Variants in BTN3A2 observed in about 807,000 individuals in gnomAD.
BTN3A2 encodes butyrophilin subfamily 3 member A2.
BTN3A2 carries 25 observed loss-of-function variants against 37.6 expected under a neutral mutation model. That is an observed-to-expected ratio of 0.66 (90% CI 0.48 to 0.93). BTN3A2 has a LOEUF of 0.93. BTN3A2 is among the 40% of genes least tolerant of loss of function. The pLI, the probability that BTN3A2 is intolerant of heterozygous loss-of-function variation, is 0.00. For missense variants in BTN3A2, 266 were observed against 410.9 expected (o/e 0.65, Z 3.05); for synonymous variants, 122 against 159.4 (o/e 0.77, Z 1.77).
intron 5 of BTN3A2, 101 bp from the exon 6 acceptor site, chr6:26,372,796 C>A: frequency 1.4e-6 from 2 of 1,388,144 alleles, no homozygotes; most frequent in Non-Finnish European, 2.0e-6. Context: ...GAGATAGATT[C>A]CCCACCCCCG....
intron 1 of BTN3A2, among the ~76,000 whole-genome samples, chr6:26,366,690 T>C (rs1389359622): frequency 1.3e-5 from 2 of 152,124 alleles, no homozygotes; most frequent in Non-Finnish European, 2.9e-5. Context: ...CAGGCAGGGG[T>C]GGAGCATGAC....
Position 26,374,783 on chromosome 6 carries a change from G to T in BTN3A2, c.*19G>T. Reference sequence around the variant, plus strand: ...TCCTTCCTTTCAGAATGGAAAAATGGCCCTCTTCAAGCCTGGTGAGTAAAT... The same window carrying T: ...TCCTTCCTTTCAGAATGGAAAAATGTCCCTCTTCAAGCCTGGTGAGTAAAT... On this transcript the variant is annotated 3_prime_UTR_variant, in exon 10 of 11. Coordinates refer to ENST00000377708, the MANE Select transcript of BTN3A2 (RefSeq NM_007047.5). 6.5e-7 allele frequency: 1 copy of T among 1,532,254 alleles called. No homozygotes were observed. Among genetic ancestry groups the T allele is most frequent in the Non-Finnish European group, 9.0e-7 (1 of 1,107,676 alleles). 94.9% of individuals were successfully genotyped at this position (1,532,254 alleles called of 1,614,324 possible). A position where few individuals can be genotyped will look rare whatever the true frequency, so the allele number is the denominator to read the frequency against.
At chr6:26,371,595 T>G (rs1435260947) in intron 5 of BTN3A2, among the ~76,000 whole-genome samples, 1 of 152,206 alleles carries the variant, frequency 6.6e-6, no homozygotes, top group Non-Finnish European at 1.5e-5. Context: ...CGATCCAAAC[T>G]TCCACTTCTA....
chr6:26,367,278 C>G (rs1442699593), intron 1 of BTN3A2, among the ~76,000 whole-genome samples: 1 of 152,206 alleles, frequency 6.6e-6, no homozygotes, highest in African/African-American at 2.4e-5. Flanking sequence ...AGTTGGTAAC[C>G]ACTTTTATAC....
In BTN3A2 at chr6:26,377,097, C is replaced by T; in HGVS notation, c.*1335C>T. The T allele has an allele frequency of 3.0e-6, 4 of 1,332,338 alleles. No individual in the cohort carries two copies. Among genetic ancestry groups the T allele is most frequent in the Admixed American group, 1.7e-5 (1 of 59,402 alleles). 82.5% of individuals were successfully genotyped at this position (1,332,338 alleles called of 1,614,324 possible). On this transcript the variant is annotated 3_prime_UTR_variant, in exon 11 of 11. Transcript: ENST00000377708. ...CACTGCCCTGACCGTTTGCCCAATACCAAAAGTAGAGAGTTCCCCCGATCC... is the reference window on the plus strand; with the variant it reads ...CACTGCCCTGACCGTTTGCCCAATATCAAAAGTAGAGAGTTCCCCCGATCC...
intron 4 of BTN3A2, 126 bp from the exon 5 acceptor site, chr6:26,370,196 T>A: frequency 6.9e-6 from 9 of 1,301,492 alleles, no homozygotes; most frequent in Non-Finnish European, 9.4e-6. Flanking sequence ...ATGACCACAC[T>A]TTTGTAAACA....
At chr6:26,374,503 C>T in intron 9 of BTN3A2, 130 bp downstream of exon 9, 1 of 1,061,912 alleles carries the variant, frequency 9.4e-7, no homozygotes, top group South Asian at 1.4e-5. Context: ...TTCACCTCCG[C>T]TTTTCTGGAG....
rs559179512 is a variant in BTN3A2, at chr6:26,370,524, C to T, written c.636C>T (p.Gly212=). ...TAGCAGCATCTGTGATCATGAGAGGCGGCTCCGGGGAGGGTGTATCCTGCA... is the reference window on the plus strand; with the variant it reads ...TAGCAGCATCTGTGATCATGAGAGGTGGCTCCGGGGAGGGTGTATCCTGCA... ...YEVAASVIMR[G]GSGEGVSCII... is the part of the protein sequence containing the mutation. The change falls in exon 5 of 11, where the codon GGC becomes GGT. Residue 212 remains glycine (G), a synonymous_variant. Transcript: ENST00000377708. 164 of 1,614,222 alleles carry T rather than the reference C, an allele frequency of 1.0e-4. No homozygotes were observed. In the East Asian group the frequency reaches 2.3e-3, roughly 22 times the overall value.
At chr6:26,369,797 T>C (rs1433437286) in intron 4 of BTN3A2, among the ~76,000 whole-genome samples, 2 of 152,222 alleles carry the variant, frequency 1.3e-5, no homozygotes, top group African/African-American at 2.4e-5. Context: ...AAATTGCTTA[T>C]GTTCAACAGG....
intron 1 of BTN3A2, among the ~76,000 whole-genome samples, chr6:26,366,013 C>A (rs183023005): frequency 2.6e-5 from 4 of 152,092 alleles, no homozygotes; most frequent in Admixed American, 2.0e-4. Context: ...TTTTTGGTAT[C>A]TTTTAGGGAT....
chr6:26,374,543 C>G (rs962645428), intron 9 of BTN3A2, 170 bp downstream of exon 9: 2 of 864,088 alleles, frequency 2.3e-6, no homozygotes, highest in Admixed American at 4.9e-5. Context: ...CCTGCACACC[C>G]CCTTGTAAAG....
intron 8 of BTN3A2, 118 bp downstream of exon 8, chr6:26,373,531 A>G: frequency 8.8e-7 from 1 of 1,139,764 alleles, no homozygotes; most frequent in Non-Finnish European, 1.2e-6. Flanking sequence ...CCCTTTACCC[A>G]GAAAAAGAAA....
At chr6:26,374,230 A>ATGGATGC in intron 8 of BTN3A2, 97 bp from the exon 9 acceptor site, 1 of 478,182 alleles carries the variant, frequency 2.1e-6, no homozygotes, top group Non-Finnish European at 3.5e-6. Flanking sequence ...AAAAAAAAAA[A>ATGGATGC]AAAAAAAAAA....
At chr6:26,372,398 T>C (rs1264903203) in intron 5 of BTN3A2, among the ~76,000 whole-genome samples, 6 of 152,170 alleles carry the variant, frequency 3.9e-5, no homozygotes, top group Non-Finnish European at 7.3e-5. Flanking sequence ...ATTAGGCCAC[T>C]ACAAACAGAG....
Position 26,370,362 on chromosome 6 carries a change from G to A in BTN3A2, c.474G>A (p.Glu158=), listed in dbSNP as rs1389428886. Residue 158 remains glutamate (E), a synonymous_variant, in exon 5 of 11, where the codon GAG becomes GAA. Transcript: ENST00000377708. ...SNLHVEVKGY[E]DGGIHLECRS... Reference sequence around the variant, plus strand: ...TTCACGTCGAAGTGAAGGGTTATGAGGATGGAGGGATCCATCTGGAGTGCA... The same window carrying A: ...TTCACGTCGAAGTGAAGGGTTATGAAGATGGAGGGATCCATCTGGAGTGCA... 2 of 1,614,120 alleles carry A rather than the reference G, an allele frequency of 1.2e-6. No individual in the cohort carries two copies. Among genetic ancestry groups the A allele is most frequent in the South Asian group, 2.2e-5 (2 of 91,030 alleles).
Position 26,376,714 on chromosome 6 carries a change from G to GT in BTN3A2, c.*953dup. 6.3e-7 allele frequency: 1 copy of GT among 1,576,990 alleles called. No homozygotes were observed. The highest frequency in any genetic ancestry group is 1.1e-5 in the South Asian group (1 of 90,272). On this transcript the variant is annotated 3_prime_UTR_variant, in exon 11 of 11. Coordinates refer to ENST00000377708, the MANE Select transcript of BTN3A2 (RefSeq NM_007047.5). ...GAATGGCGTTACTGTGTGCTTGGCT[G>GT]TGAAAGCTTCATGTCAGAGAGACAC...
At chr6:26,371,034 G>A (rs139089156) in intron 5 of BTN3A2, among the ~76,000 whole-genome samples, 177 of 152,280 alleles carry the variant, frequency 1.2e-3, no homozygotes, top group East Asian at 1.7e-3. Context: ...GGAGGCCGAG[G>A]CAGGCAGATC....
At chr6:26,365,492 G>A in intron 1 of BTN3A2, 140 bp downstream of exon 1, 2 of 668,346 alleles carry the variant, frequency 3.0e-6, no homozygotes, top group Non-Finnish European at 4.9e-6. Context: ...GTGTGTGTGT[G>A]TGTGTGTGTG....
At chr6:26,369,656 G>C (rs1759902648) in intron 4 of BTN3A2, among the ~76,000 whole-genome samples, 1 of 152,154 alleles carries the variant, frequency 6.6e-6, no homozygotes, top group Non-Finnish European at 1.5e-5. Context: ...CATTGCTGAG[G>C]GGGGATGTTT....
Sources: allele counts gnomAD v4.1 joint callset (sites outside exome capture counted in the v4.1 genomes callset), GRCh38; gene constraint gnomAD v4.1.1; transcripts MANE v1.5; gene names NCBI Gene and HGNC (gene_info 2026-07-23, HGNC 2026-07-21).